The following SPON2 variants were observed in gnomAD, a reference collection of about 807,000 sequenced individuals.
SPON2 encodes spondin-2.
In SPON2, 32 loss-of-function variants were observed where a neutral mutation model predicts 29.9. That is an observed-to-expected ratio of 1.07 (90% CI 0.81 to 1.44). The LOEUF is 1.44. Among genes scored for constraint, SPON2 ranks in the 40% most tolerant of loss-of-function variants. SPON2 has a pLI of 0.00. For missense variants in SPON2, 541 were observed against 455.5 expected (o/e 1.19, Z -1.71); for synonymous variants, 248 against 209.1 (o/e 1.19, Z -1.61).
At chr4:1,197,910 T>C (rs1177581903), upstream of SPON2, among the ~76,000 whole-genome samples, 3 of 152,030 alleles carry the variant, frequency 2.0e-5, no homozygotes, top group Non-Finnish European at 2.9e-5. Context: ...TAGCCGGGCA[T>C]GGTGGTGCGT....
chr4:1,204,819 A>T (rs1206051810), intron 1 of SPON2, among the ~76,000 whole-genome samples: 1 of 152,154 alleles, frequency 6.6e-6, no homozygotes, highest in Non-Finnish European at 1.5e-5. Context: ...TATAACAGGT[A>T]TAGATGTGCC....
At chr4:1,186,516 C>T (rs891189876) in intron 1 of SPON2, among the ~76,000 whole-genome samples, 1 of 152,088 alleles carries the variant, frequency 6.6e-6, no homozygotes, top group Non-Finnish European at 1.5e-5. Flanking sequence ...GTTGCCCAGG[C>T]TGGTCTCAAA....
chr4:1,194,201 C>A (rs948251607), intron 1 of SPON2, among the ~76,000 whole-genome samples: 1 of 152,158 alleles, frequency 6.6e-6, no homozygotes, highest in Non-Finnish European at 1.5e-5. Context: ...AGCCCCACGA[C>A]GGCAAATGGG....
At chr4:1,195,351 GGCCCCC>G (rs147923262), upstream of SPON2, among the ~76,000 whole-genome samples, 729 of 152,094 alleles carry the variant, frequency 4.8e-3, 7 homozygotes, top group African/African-American at 0.017. Flanking sequence ...CAACAGGACC[GGCCCCC>G]TGGCCCGTCG....
intron 1 of SPON2, among the ~76,000 whole-genome samples, chr4:1,185,307 C>A (rs1577904698): frequency 6.6e-6 from 1 of 151,716 alleles, no homozygotes; most frequent in Non-Finnish European, 1.5e-5. Flanking sequence ...AACTCCTTAC[C>A]TCAAGTGATC....
At chr4:1,170,658 C>T in intron 4 of SPON2, 82 bp from the exon 5 acceptor site, 1 of 1,459,604 alleles carries the variant, frequency 6.9e-7, no homozygotes, top group Non-Finnish European at 9.4e-7. Context: ...GGGGCCACTG[C>T]CCAGCGTCCA....
Position 1,167,363 on chromosome 4 carries a change from G to A in SPON2, c.*109C>T. The A allele has an allele frequency of 2.5e-6, 3 of 1,203,516 alleles. No individual in the cohort carries two copies. The highest frequency in any genetic ancestry group is 3.5e-6 in the Non-Finnish European group (3 of 859,224). The allele number at this position is 1,203,516 out of a possible 1,614,324, so 74.6% of individuals were successfully genotyped here. On this transcript the variant is annotated 3_prime_UTR_variant, in exon 6 of 6. Coordinates refer to ENST00000290902, the MANE Select transcript of SPON2 (RefSeq NM_012445.4). ...GTCGGCGCGGCCTCACCGCGGTCAG[G>A]AGCAGCGCGAAACCCCCTGTGCCCT...
At chr4:1,174,486 C>CAAAAA (rs59532169), upstream of SPON2, among the ~76,000 whole-genome samples, 63 of 94,210 alleles carry the variant, frequency 6.7e-4, 1 homozygote, top group African/African-American at 1.1e-3. Context: ...GACTCCATCT[C>CAAAAA]AAAAAAAAAA....
intron 5 of SPON2, among the ~76,000 whole-genome samples, chr4:1,168,557 G>A (rs1727321310): frequency 6.6e-6 from 1 of 152,216 alleles, no homozygotes; most frequent in Admixed American, 6.5e-5. Context: ...AAAGACCTTG[G>A]GCGCTGAGGC....
intron 1 of SPON2, among the ~76,000 whole-genome samples, chr4:1,184,815 T>G (rs115220718): frequency 0.015 from 2,271 of 151,346 alleles, 56 homozygotes; most frequent in African/African-American, 0.051. Flanking sequence ...TGTGTGCCAG[T>G]AATCCCAGCT....
intron 5 of SPON2, among the ~76,000 whole-genome samples, chr4:1,168,978 C>T (rs770051339): frequency 1.3e-5 from 2 of 152,136 alleles, no homozygotes; most frequent in Non-Finnish European, 2.9e-5. Context: ...TGCTCCGTCC[C>T]CACTGCCCAC....
rs372701804 is a variant in SPON2 at position 1,170,627 on chromosome 4, T to G, written c.637-51A>C. On this transcript the variant is annotated intron_variant, in intron 4 of 5. Transcript: ENST00000290902. ...CCTGGGGTCCGAGAAGCCCACCTTCTGGTATGCGTATGGCCTCACTGGGGC... is the reference window on the plus strand; with the variant it reads ...CCTGGGGTCCGAGAAGCCCACCTTCGGGTATGCGTATGGCCTCACTGGGGC... The G allele has an allele frequency of 8.3e-6, 13 of 1,559,826 alleles. No individual in the cohort carries two copies. The East Asian group carries it at 1.4e-4, about 17-fold the overall frequency.
upstream of SPON2, among the ~76,000 whole-genome samples, chr4:1,177,932 C>T (rs546229921): frequency 6.6e-5 from 10 of 152,316 alleles, 1 homozygote; most frequent in African/African-American, 1.7e-4. Flanking sequence ...GACCCTGCTG[C>T]GCATTTGAAA....
chr4:1,171,451 TC>T lies in SPON2; in HGVS notation c.255del (p.Lys86ArgfsTer21). 1 of 1,612,150 alleles carries T rather than the reference TC, an allele frequency of 6.2e-7. No homozygotes were observed. The highest frequency in any genetic ancestry group is 1.1e-5 in the South Asian group (1 of 91,054). ...AAHSSDYSMW[R>X]KNQYVSNGLR... is the part of the protein sequence containing the mutation. ...AGCCCGTTACTGACGTACTGGTTCT[TC>T]CTCCACATGCTGTAGTCGGAGCTAT... On this transcript the variant is annotated frameshift_variant, in exon 3 of 6. Transcript: ENST00000290902. LOFTEE classifies it high-confidence loss of function.
chr4:1,173,747 A>G (rs1463764725), upstream of SPON2, among the ~76,000 whole-genome samples: 2 of 152,262 alleles, frequency 1.3e-5, no homozygotes, highest in Non-Finnish European at 2.9e-5. Context: ...CAACTAGGAC[A>G]GAATGCAAAC....
intron 1 of SPON2, among the ~76,000 whole-genome samples, chr4:1,201,747 T>C (rs2079752711): frequency 2.0e-5 from 3 of 152,052 alleles, no homozygotes. Context: ...CACGCCCGGC[T>C]AATTTTTTTG....
At chr4:1,170,712 CCT>C (rs1727402619) in intron 4 of SPON2, 136 bp from the exon 5 acceptor site, 1 of 1,151,208 alleles carries the variant, frequency 8.7e-7, no homozygotes, top group South Asian at 1.3e-5. Flanking sequence ...CCCATGTACT[CCT>C]CTCAGCCATC....
At chr4:1,173,172 G>C (rs1366141316), upstream of SPON2, 2 of 152,426 alleles carry the variant, frequency 1.3e-5, no homozygotes. Flanking sequence ...CTACATGCTG[G>C]AAGTGGCTGG....
Position 1,172,050 on chromosome 4 carries a change from C to T in SPON2, c.22G>A (p.Ala8Thr). 1.9e-6 allele frequency: 3 copies of T among 1,611,748 alleles called. No individual in the cohort carries two copies. Residue 8 changes from alanine (A) to threonine (T), a missense_variant, in exon 2 of 6, where the codon GCC (alanine) becomes ACC (threonine). Transcript: ENST00000290902. MENPSPAAALGKALCALL... is the reference protein window; with the variant it reads MENPSPATALGKALCALL... Reference sequence around the variant, plus strand: ...GCGCAGAGGGCCTTGCCCAGGGCGGCGGCCGGGCTGGGGTTTTCCATCACC... The same window carrying T: ...GCGCAGAGGGCCTTGCCCAGGGCGGTGGCCGGGCTGGGGTTTTCCATCACC...
Sources: gnomAD v4.1 joint callset for allele counts (sites outside exome capture counted in the v4.1 genomes callset) on GRCh38, gnomAD v4.1.1 for gene constraint, MANE v1.5 for transcripts, NCBI Gene and HGNC (gene_info 2026-07-23, HGNC 2026-07-21) for gene names.